Variants in UTRN observed in about 807,000 individuals in gnomAD.
UTRN encodes the protein dystrophin-related protein 1.
A neutral mutation model predicts 463.9 loss-of-function variants in UTRN; 283 were observed. The observed-to-expected ratio is 0.61, with a 90% CI of 0.55 to 0.67. The LOEUF (loss-of-function observed/expected upper bound fraction) is 0.67. Ranked by LOEUF, UTRN falls within the 30% of genes least tolerant of loss-of-function variation. The probability of loss-of-function intolerance (pLI) is 0.00; values close to 1 mark genes in which losing one functional copy is unlikely to be tolerated. For missense variants in UTRN, 3,922 were observed against 4,084.3 expected (o/e 0.96, Z 1.08); for synonymous variants, 1,442 against 1,431.5 (o/e 1.01, Z -0.17).
At chr6:144,462,968 T>C in intron 23 of UTRN, 102 bp downstream of exon 23, 1 of 975,632 alleles carries the variant, frequency 1.0e-6, no homozygotes, top group Non-Finnish European at 1.5e-6. Flanking sequence ...ACATTCTTTC[T>C]AGATCCCCAT....
chr6:144,786,411 G>A (rs540102044), intron 61 of UTRN, among the ~76,000 whole-genome samples: 3 of 152,156 alleles, frequency 2.0e-5, no homozygotes, highest in South Asian at 2.1e-4. Flanking sequence ...TCAGTCTCCC[G>A]AGTAGCTGGG....
chr6:144,739,930 G>T (rs1319880443), intron 54 of UTRN, among the ~76,000 whole-genome samples: 1 of 152,186 alleles, frequency 6.6e-6, no homozygotes, highest in East Asian at 1.9e-4. Context: ...AGGGGAAAGT[G>T]AAAAATGGTA....
intron 50 of UTRN, among the ~76,000 whole-genome samples, chr6:144,567,697 A>T (rs1800529958): frequency 1.3e-5 from 2 of 152,202 alleles, no homozygotes; most frequent in South Asian, 4.1e-4. Flanking sequence ...TCTACCTGCC[A>T]CTCAAACTAC....
intron 26 of UTRN, 44 bp from the exon 27 acceptor site, chr6:144,482,164 GA>G: frequency 7.3e-7 from 1 of 1,370,654 alleles, no homozygotes; most frequent in Non-Finnish European, 9.5e-7. Context: ...TGGTTACTGA[GA>G]AAGGGAGACG....
rs1320280133 is a variant in UTRN, at chr6:144,521,902, T to TA, written c.5542-78_5542-77insA. On this transcript the variant is annotated intron_variant, in intron 39 of 74. Transcript: ENST00000367545. ...GATATTGCATTCCTTCACACAATAG[T>TA]CTTGTTATTATTCATTGTGGGGGTA... 1.6e-5 allele frequency: 15 copies of TA among 935,154 alleles called. No homozygotes were observed. In the African/African-American group the frequency reaches 2.2e-4, roughly 14 times the overall value. 57.9% of individuals were successfully genotyped at this position (935,154 alleles called of 1,614,324 possible). A position where few individuals can be genotyped will look rare whatever the true frequency, so the allele number is the denominator to read the frequency against.
chr6:144,379,313 G>T (rs1179190292), intron 2 of UTRN, among the ~76,000 whole-genome samples: 1 of 152,222 alleles, frequency 6.6e-6, no homozygotes, highest in Admixed American at 6.5e-5. Flanking sequence ...TTAGCTAGGT[G>T]ATTCCAGTCC....
intron 33 of UTRN, 88 bp from the exon 34 acceptor site, chr6:144,499,169 T>C (rs987877851): frequency 7.2e-6 from 10 of 1,389,714 alleles, no homozygotes; most frequent in Admixed American, 2.0e-5. Context: ...ATGAATCAGT[T>C]TGGATCTTTA....
At chr6:144,424,850 T>C (rs1429823113) in intron 6 of UTRN, among the ~76,000 whole-genome samples, 1 of 152,180 alleles carries the variant, frequency 6.6e-6, no homozygotes, top group Non-Finnish European at 1.5e-5. Flanking sequence ...ACAAGAACTC[T>C]CTTATGTAAA....
chr6:144,617,228 CA>C, intron 51 of UTRN, among the ~76,000 whole-genome samples: 1 of 152,108 alleles, frequency 6.6e-6, no homozygotes, highest in Admixed American at 6.6e-5. Context: ...TCCACCATAC[CA>C]TCACTCTGGT....
intron 46 of UTRN, among the ~76,000 whole-genome samples, chr6:144,548,051 G>A (rs1161371896): frequency 6.6e-6 from 1 of 151,524 alleles, no homozygotes; most frequent in African/African-American, 2.4e-5. Context: ...ACTTTTTTTT[G>A]TATTTTCTGA....
rs143835756 is a variant in UTRN, at chr6:144,800,717, A to G, written c.9246-2319A>G. 2.0e-3 allele frequency among the ~76,000 whole-genome samples: 307 copies of G among 152,264 alleles called. 3 individuals are homozygous for G. Among genetic ancestry groups the G allele is most frequent in the African/African-American group, 7.1e-3 (293 of 41,558 alleles). On this transcript the variant is annotated intron_variant, in intron 64 of 74. Transcript: ENST00000367545. The stretch of plus-strand genomic sequence containing the variant: ...CTATCACAGAGTAGGCATTCAGTAA[A>G]TGTTGGCTCTTTTTGTTACTACCAA...
At chr6:144,506,434 G>A (rs1794696861) in intron 34 of UTRN, among the ~76,000 whole-genome samples, 1 of 152,138 alleles carries the variant, frequency 6.6e-6, no homozygotes, top group South Asian at 2.1e-4. Flanking sequence ...CTTCCTTTGG[G>A]AGTTCTTGTA....
chr6:144,557,031 A>C, intron 49 of UTRN, 126 bp from the exon 50 acceptor site: 1 of 1,200,666 alleles, frequency 8.3e-7, no homozygotes, highest in Non-Finnish European at 1.1e-6. Context: ...GTTTGCCCCC[A>C]GTCTGTTTTC....
intron 51 of UTRN, among the ~76,000 whole-genome samples, chr6:144,589,598 T>C (rs1460804958): frequency 1.3e-5 from 2 of 152,164 alleles, no homozygotes; most frequent in African/African-American, 4.8e-5. Context: ...ATAGAAGATA[T>C]AGAAAGAGAG....
chr6:144,416,318 G>A (rs1784361637), intron 3 of UTRN, among the ~76,000 whole-genome samples: 1 of 152,120 alleles, frequency 6.6e-6, no homozygotes, highest in Admixed American at 6.5e-5. Flanking sequence ...TTTTAAAAAT[G>A]AGAAGTTCTG....
chr6:144,809,304 G>A (rs1778409512), intron 65 of UTRN, among the ~76,000 whole-genome samples: 1 of 152,124 alleles, frequency 6.6e-6, no homozygotes, highest in Non-Finnish European at 1.5e-5. Context: ...CCACTAGAGT[G>A]CAGCTGAGGT....
At chr6:144,794,163 AC>A (rs1334164479) in intron 63 of UTRN, among the ~76,000 whole-genome samples, 172 bp downstream of exon 63, 1 of 152,172 alleles carries the variant, frequency 6.6e-6, no homozygotes, top group Non-Finnish European at 1.5e-5. Flanking sequence ...AAAAATAGCA[AC>A]CCTTGCAAAG....
intron 2 of UTRN, among the ~76,000 whole-genome samples, chr6:144,316,277 C>A (rs1481699078): frequency 6.6e-6 from 1 of 152,226 alleles, no homozygotes; most frequent in African/African-American, 2.4e-5. Flanking sequence ...GTGGCTCTTA[C>A]TGACCCCATA....
intron 53 of UTRN, among the ~76,000 whole-genome samples, chr6:144,727,247 C>T (rs1424820615): frequency 6.6e-6 from 1 of 152,148 alleles, no homozygotes; most frequent in African/African-American, 2.4e-5. Flanking sequence ...TTAATCTTTC[C>T]ACATTATTGC....
Sources: gnomAD v4.1 joint callset for allele counts (sites outside exome capture counted in the v4.1 genomes callset) on GRCh38, gnomAD v4.1.1 for gene constraint, MANE v1.5 for transcripts, NCBI Gene and HGNC (gene_info 2026-07-23, HGNC 2026-07-21) for gene names.